Variants in ADGRV1 observed in about 807,000 individuals in gnomAD.
ADGRV1 encodes G-protein coupled receptor 98.
Under a neutral mutation model 596.2 loss-of-function variants are expected in ADGRV1, and 359 were observed. The ratio of observed to expected loss-of-function variants is 0.60; its 90% CI spans 0.55 to 0.66. The LOEUF (loss-of-function observed/expected upper bound fraction) is 0.66, where lower values mean the gene tolerates loss of function less well. Ranked by LOEUF, ADGRV1 falls within the 30% of genes least tolerant of loss-of-function variation. ADGRV1 has a pLI of 0.00. For synonymous variants in ADGRV1, 2,681 were observed against 2,679.2 expected (o/e 1.00, Z -0.02); for missense variants, 7,274 against 7,575.6 (o/e 0.96, Z 1.48).
chr5:90,983,920 A>C (rs1214279146), intron 84 of ADGRV1, among the ~76,000 whole-genome samples: 1 of 152,190 alleles, frequency 6.6e-6, no homozygotes, highest in African/African-American at 2.4e-5. Context: ...TCAGTAAATA[A>C]AACATCTGAA....
At chr5:90,729,799 G>A in intron 50 of ADGRV1, 35 bp downstream of exon 50, 1 of 1,601,758 alleles carries the variant, frequency 6.2e-7, no homozygotes, top group South Asian at 1.1e-5. Context: ...AATTCTAAAG[G>A]TAGTATGGAA....
chr5:90,870,462 G>T (rs1036531617), intron 83 of ADGRV1, among the ~76,000 whole-genome samples: 6 of 152,174 alleles, frequency 3.9e-5, no homozygotes, highest in Non-Finnish European at 1.5e-5. Flanking sequence ...ATCACTACAA[G>T]AGGATTGGAA....
At chr5:90,925,345 A>C (rs1402731535) in intron 83 of ADGRV1, among the ~76,000 whole-genome samples, 1 of 151,160 alleles carries the variant, frequency 6.6e-6, no homozygotes, top group African/African-American at 2.4e-5. Context: ...GAGGTCCTTC[A>C]CATCCCTTGT....
rs552181744 is a variant in ADGRV1 at position 90,785,098 on chromosome 5, G to A, written c.13653+1041G>A. 3.7e-3 allele frequency among the ~76,000 whole-genome samples: 564 copies of A among 152,102 alleles called. 2 individuals carry two copies. The highest frequency in any genetic ancestry group is 0.013 in the African/African-American group (543 of 41,496). On this transcript the variant is annotated intron_variant, in intron 67 of 89. Transcript: ENST00000405460. ...TATAGACCAATGGAACAGAACAGAG[G>A]CCTCAAAAATAACACCACACATCTA...
At chr5:90,893,272 T>C (rs975747364) in intron 83 of ADGRV1, among the ~76,000 whole-genome samples, 1 of 152,136 alleles carries the variant, frequency 6.6e-6, no homozygotes, top group Non-Finnish European at 1.5e-5. Flanking sequence ...ATAAGACTGT[T>C]AATGATAGTA....
chr5:90,902,569 A>G (rs1771945002), intron 83 of ADGRV1, among the ~76,000 whole-genome samples: 2 of 152,258 alleles, frequency 1.3e-5, no homozygotes, highest in South Asian at 4.1e-4. Flanking sequence ...GCGCATCAAT[A>G]TAAGTGCCCA....
chr5:90,944,360 A>G (rs528328348), intron 83 of ADGRV1, among the ~76,000 whole-genome samples: 1 of 152,260 alleles, frequency 6.6e-6, no homozygotes, highest in East Asian at 1.9e-4. Context: ...TTTTTTTATT[A>G]TGATGATTGT....
chr5:90,955,344 A>G lies in ADGRV1; in HGVS notation c.17857-10071A>G, dbSNP rs148970143. On this transcript the variant is annotated intron_variant, in intron 83 of 89. Coordinates refer to ENST00000405460, the MANE Select transcript of ADGRV1 (RefSeq NM_032119.4). Reference sequence around the variant, plus strand: ...CTGTCTGAAAATAATGCATTTCCCAATTTTGTATTCCAAAGACCTGTATAT... The same window carrying G: ...CTGTCTGAAAATAATGCATTTCCCAGTTTTGTATTCCAAAGACCTGTATAT... Among the ~76,000 whole-genome samples, 271 of 152,210 alleles carry G rather than the reference A, an allele frequency of 1.8e-3. 2 individuals are homozygous for G. Among genetic ancestry groups the G allele is most frequent in the African/African-American group, 6.2e-3 (256 of 41,542 alleles).
chr5:90,564,625 A>ATATATATT lies in ADGRV1; in HGVS notation c.22+5709_22+5710insATATATTT, dbSNP rs1391157470. On this transcript the variant is annotated intron_variant, in intron 1 of 89. Transcript: ENST00000405460. ...TCCATGGCGTTTAATATATATATATATTTTTTTTTTTTTTTTTTTGAGACG... is the reference window on the plus strand; with the variant it reads ...TCCATGGCGTTTAATATATATATATATATATATTTTTTTTTTTTTTTTTTTTTGAGACG... Among the ~76,000 whole-genome samples, 2 of 33,598 alleles carry ATATATATT rather than the reference A, an allele frequency of 6.0e-5. 1 individual carries two copies. Among genetic ancestry groups the ATATATATT allele is most frequent in the African/African-American group, 4.7e-4 (2 of 4,256 alleles). 22.0% of individuals were successfully genotyped at this position (33,598 alleles called of 152,430 possible).
intron 86 of ADGRV1, among the ~76,000 whole-genome samples, chr5:91,098,786 A>C (rs541400035): frequency 6.6e-6 from 1 of 152,320 alleles, no homozygotes; most frequent in South Asian, 2.1e-4. Flanking sequence ...TGCTCTAAGC[A>C]CTTAGATGAA....
At chr5:91,037,240 A>G (rs753744456) in intron 85 of ADGRV1, among the ~76,000 whole-genome samples, 9 of 152,228 alleles carry the variant, frequency 5.9e-5, no homozygotes, top group Non-Finnish European at 1.2e-4. Context: ...AACATGCCTT[A>G]TCTTTTCAGT....
chr5:91,096,513 G>A (rs1790881232), intron 86 of ADGRV1, among the ~76,000 whole-genome samples: 2 of 152,052 alleles, frequency 1.3e-5, no homozygotes, highest in Non-Finnish European at 2.9e-5. Context: ...TGTTTTCTTT[G>A]CCTTTCCAGA....
chr5:90,725,320 T>C (rs1325407867), intron 47 of ADGRV1, 88 bp downstream of exon 47: 1 of 931,988 alleles, frequency 1.1e-6, no homozygotes, highest in Non-Finnish European at 1.5e-6. Context: ...ATAATGTATG[T>C]TTTATGTTAA....
chr5:90,629,800 T>C (rs1765261236), intron 9 of ADGRV1: 1 of 306,360 alleles, frequency 3.3e-6, no homozygotes, highest in African/African-American at 2.1e-5. Context: ...ATGCCAGTCA[T>C]GCAAGTCAGA....
chr5:90,737,862 A>ATT (rs146833111), intron 50 of ADGRV1, among the ~76,000 whole-genome samples: 5 of 150,756 alleles, frequency 3.3e-5, no homozygotes, highest in African/African-American at 1.2e-4. Flanking sequence ...ATTGGATCTT[A>ATT]TTTTTTTTTA....
rs768605492 is a variant in ADGRV1, at chr5:90,807,747, A to C, written c.14972+10A>C. 6.6e-7 allele frequency: 1 copy of C among 1,518,920 alleles called. No individual in the cohort carries two copies. The highest frequency in any genetic ancestry group is 2.0e-5 in the Admixed American group (1 of 49,070). 94.1% of individuals were successfully genotyped at this position (1,518,920 alleles called of 1,614,324 possible). On this transcript the variant is annotated intron_variant, in intron 73 of 89. Transcript: ENST00000405460. The stretch of plus-strand genomic sequence containing the variant: ...GCGGAGCTCAACTCCGGTAAGACCA[A>C]CCTCATTCTCACCCAAGAAATTCTC...
At chr5:91,104,823 C>T (rs1033275268) in intron 87 of ADGRV1, among the ~76,000 whole-genome samples, 7 of 150,874 alleles carry the variant, frequency 4.6e-5, no homozygotes, top group Non-Finnish European at 8.9e-5. Context: ...ACTGCAGTTA[C>T]ATTTGCACCA....
chr5:91,056,899 T>C (rs1786922872), intron 85 of ADGRV1, among the ~76,000 whole-genome samples: 1 of 152,174 alleles, frequency 6.6e-6, no homozygotes, highest in Non-Finnish European at 1.5e-5. Context: ...TCTAACATAA[T>C]CTCCATAGTC....
chr5:90,707,835 A>G (rs1219896536), intron 38 of ADGRV1, among the ~76,000 whole-genome samples: 1 of 152,038 alleles, frequency 6.6e-6, no homozygotes, highest in Non-Finnish European at 1.5e-5. Context: ...GATTAGCACT[A>G]AGATTAAGAG....
Sources: gnomAD v4.1 joint callset for allele counts (sites outside exome capture counted in the v4.1 genomes callset) on GRCh38, gnomAD v4.1.1 for gene constraint, MANE v1.5 for transcripts, NCBI Gene and HGNC (gene_info 2026-07-23, HGNC 2026-07-21) for gene names.